The following RBM6 variants were observed in gnomAD, a reference collection of about 807,000 sequenced individuals.
The protein encoded by RBM6 is RNA-binding protein 6.
RBM6 carries 23 observed loss-of-function variants against 140.4 expected under a neutral mutation model. The observed-to-expected ratio is 0.16, with a 90% CI of 0.12 to 0.23. RBM6 has a LOEUF of 0.23. RBM6 is among the 10% of genes least tolerant of loss of function. RBM6 has a pLI of 1.00. For synonymous variants in RBM6, 439 were observed against 475.6 expected, an observed-to-expected ratio of 0.92 and a Z score of 1.00; for missense variants, 1,139 against 1,386.7, an observed-to-expected ratio of 0.82 and a Z score of 2.84.
chr3:50,006,082 A>G (rs1407305804), intron 6 of RBM6, among the ~76,000 whole-genome samples: 2 of 150,270 alleles, frequency 1.3e-5, no homozygotes, highest in Non-Finnish European at 3.0e-5. Context: ...TTTTTTTGAG[A>G]TGGAGTCTCA....
intron 5 of RBM6, among the ~76,000 whole-genome samples, chr3:49,977,943 C>G (rs1409631868): frequency 6.6e-6 from 1 of 151,984 alleles, no homozygotes; most frequent in Admixed American, 6.6e-5. Flanking sequence ...ATAGCAAGAC[C>G]TTGTCTCTTA....
In RBM6 at chr3:49,968,769, G is replaced by GTTTT. The variant is rs766391915; in HGVS notation, c.1323+21_1323+22insTTTT. 1.1e-5 allele frequency: 6 copies of GTTTT among 537,054 alleles called. No individual in the cohort carries two copies. The African/African-American group carries it at 1.4e-4, about 13-fold the overall frequency. The allele number at this position is 537,054 out of a possible 1,614,324, so 33.3% of individuals were successfully genotyped here. ...TTCAGGTATGTTGATGGGGTGGATT[G>GTTTT]CTTTTTTTTTTTTTTTTTTTTTTTT... On this transcript the variant is annotated intron_variant, in intron 3 of 20. Transcript: ENST00000266022.
intron 5 of RBM6, among the ~76,000 whole-genome samples, chr3:49,997,197 TA>T (rs1353307160): frequency 1.3e-5 from 2 of 152,126 alleles, no homozygotes; most frequent in African/African-American, 4.8e-5. Context: ...GCAGTATAGT[TA>T]AACCTTAAAT....
At chr3:49,942,565 C>A (rs1241371516) in intron 1 of RBM6, among the ~76,000 whole-genome samples, 3 of 149,878 alleles carry the variant, frequency 2.0e-5, no homozygotes, top group African/African-American at 7.4e-5. Flanking sequence ...CAAGCAATAC[C>A]ACTATTTCTG....
chr3:50,065,220 G>A (rs1190648722), intron 16 of RBM6, 94 bp downstream of exon 16: 2 of 915,648 alleles, frequency 2.2e-6, no homozygotes, highest in African/African-American at 1.7e-5. Flanking sequence ...TTCCTCTGGT[G>A]TTGGTCTTTT....
At chr3:50,049,003 A>G (rs1257009635) in intron 7 of RBM6, among the ~76,000 whole-genome samples, 2 of 151,660 alleles carry the variant, frequency 1.3e-5, no homozygotes, top group African/African-American at 2.4e-5. Flanking sequence ...GGGTTTCACC[A>G]TGTTGGCCAG....
intron 5 of RBM6, among the ~76,000 whole-genome samples, chr3:49,987,968 C>A (rs930496523): frequency 9.9e-5 from 15 of 152,086 alleles, no homozygotes; most frequent in Non-Finnish European, 2.1e-4. Flanking sequence ...TGATCAGGAG[C>A]ACTTTGAGAT....
intron 1 of RBM6, among the ~76,000 whole-genome samples, chr3:49,943,232 T>C (rs1223517071): frequency 6.6e-6 from 1 of 152,194 alleles, no homozygotes; most frequent in East Asian, 1.9e-4. Flanking sequence ...TTTGAGTCCC[T>C]GCTTTGAATT....
chr3:49,971,901 C>T (rs1190820492), intron 3 of RBM6, among the ~76,000 whole-genome samples, 158 bp from the exon 4 acceptor site: 3 of 152,190 alleles, frequency 2.0e-5, no homozygotes, highest in South Asian at 4.1e-4. Flanking sequence ...TTTGAAGTCA[C>T]ATTCTGGCAC....
chr3:50,062,112 A>C lies in RBM6; in HGVS notation c.2586+4A>C. 1 of 1,610,972 alleles carries C rather than the reference A, an allele frequency of 6.2e-7. No homozygotes were observed. The highest frequency in any genetic ancestry group is 8.5e-7 in the Non-Finnish European group (1 of 1,178,744). ...AAAAGACAGAGGAGTGACGAGGGTA[A>C]GAGGAATTGTTAATTTGCTGTCTTT... is the stretch of plus-strand genomic sequence containing the variant. On this transcript the variant is annotated splice_donor_region_variant and intron_variant, in intron 15 of 20. Coordinates refer to ENST00000266022, the MANE Select transcript of RBM6 (RefSeq NM_005777.3).
At chr3:50,005,001 G>A (rs2086509858) in intron 6 of RBM6, among the ~76,000 whole-genome samples, 1 of 152,176 alleles carries the variant, frequency 6.6e-6, no homozygotes, top group Non-Finnish European at 1.5e-5. Flanking sequence ...ATCATCTGAT[G>A]TGAAAATTCC....
At chr3:49,985,306 A>T (rs1001447458) in intron 5 of RBM6, among the ~76,000 whole-genome samples, 1 of 152,342 alleles carries the variant, frequency 6.6e-6, no homozygotes, top group African/African-American at 2.4e-5. Flanking sequence ...GAGGCCATCT[A>T]TAAAAACTGT....
chr3:50,045,470 T>C (rs150194168), intron 6 of RBM6, among the ~76,000 whole-genome samples: 6 of 152,290 alleles, frequency 3.9e-5, no homozygotes, highest in Admixed American at 1.3e-4. Context: ...TCCTTTTTGG[T>C]ACCAGATACT....
At chr3:50,036,527 A>G (rs2088547830) in intron 6 of RBM6, among the ~76,000 whole-genome samples, 1 of 152,190 alleles carries the variant, frequency 6.6e-6, no homozygotes, top group Non-Finnish European at 1.5e-5. Context: ...GCTGTTAAAA[A>G]AAAAAAAGTT....
chr3:50,044,989 G>A (rs969699298), intron 6 of RBM6, among the ~76,000 whole-genome samples: 1 of 152,180 alleles, frequency 6.6e-6, no homozygotes, highest in African/African-American at 2.4e-5. Context: ...AGTGGTCACT[G>A]TCCTATGTCT....
Position 50,077,073 on chromosome 3 carries a change from C to T in RBM6, c.3312C>T (p.Asn1104=), listed in dbSNP as rs751177744. The T allele has an allele frequency of 5.2e-5, 84 of 1,613,130 alleles. No individual in the cohort carries two copies. Among genetic ancestry groups the T allele is most frequent in the Non-Finnish European group, 6.4e-5 (76 of 1,179,844 alleles). The change falls in exon 21 of 21, where the codon AAC becomes AAT. Residue 1104 remains asparagine (N), a synonymous_variant. Coordinates refer to ENST00000266022, the MANE Select transcript of RBM6 (RefSeq NM_005777.3). ...GAAGAACCAGCAAAAGACAGTCCAA[C>T]GAGACTTACCGAGATGCTGTTCGAA... ...ASGRTSKRQS[N]ETYRDAVRRV...
intron 6 of RBM6, among the ~76,000 whole-genome samples, chr3:50,011,479 T>G (rs1049722995): frequency 3.3e-5 from 5 of 152,214 alleles, no homozygotes; most frequent in Non-Finnish European, 7.3e-5. Context: ...TTAGGGGAGA[T>G]TCCTGTAATC....
At chr3:49,969,167 G>A (rs2084658577) in intron 3 of RBM6, among the ~76,000 whole-genome samples, 1 of 151,666 alleles carries the variant, frequency 6.6e-6, no homozygotes, top group Non-Finnish European at 1.5e-5. Context: ...AGGGATTGCA[G>A]GCATGTGCCA....
intron 1 of RBM6, among the ~76,000 whole-genome samples, chr3:49,956,211 A>C (rs2083980574): frequency 6.7e-6 from 1 of 148,998 alleles, no homozygotes; most frequent in African/African-American, 2.5e-5. Context: ...TTTTGTAGAG[A>C]TAGGGTTTTG....
Sources: allele counts gnomAD v4.1 joint callset (sites outside exome capture counted in the v4.1 genomes callset), GRCh38; gene constraint gnomAD v4.1.1; transcripts MANE v1.5; gene names NCBI Gene and HGNC (gene_info 2026-07-23, HGNC 2026-07-21).